The following GLDC variants were observed in gnomAD, a reference collection of about 807,000 sequenced individuals.
The protein encoded by GLDC is glycine dehydrogenase (decarboxylating), mitochondrial.
Under a neutral mutation model 121.3 loss-of-function variants are expected in GLDC, and 104 were observed. The ratio of observed to expected loss-of-function variants is 0.86; its 90% CI spans 0.73 to 1.01. GLDC has a LOEUF of 1.01. Among genes scored for constraint, GLDC ranks in the 50% least tolerant of loss-of-function variants. GLDC has a pLI of 0.00. For missense variants in GLDC, 1,429 were observed against 1,306.6 expected (o/e 1.09, Z -1.44); for synonymous variants, 546 against 480.6 (o/e 1.14, Z -1.78).
At chr9:6,626,430 G>A (rs1158463999) in intron 2 of GLDC, among the ~76,000 whole-genome samples, 2 of 152,202 alleles carry the variant, frequency 1.3e-5, no homozygotes, top group African/African-American at 4.8e-5. Context: ...TGGGAGTATT[G>A]CGGAAGATAA....
In GLDC at chr9:6,620,167, A is replaced by G. The variant is rs1468006106; in HGVS notation, c.470+17T>C. ...CAAATCACAGTCATCCTGTTCCTGA[A>G]CTGAGAAATACATTACCATCCTGAG... On this transcript the variant is annotated intron_variant, in intron 3 of 24. Transcript: ENST00000321612. The G allele has an allele frequency of 4.3e-6, 7 of 1,611,192 alleles. No homozygotes were observed. In the African/African-American group the frequency reaches 6.7e-5, roughly 15 times the overall value.
At chr9:6,603,560 ATTT>A (rs1286240628) in intron 7 of GLDC, among the ~76,000 whole-genome samples, 1 of 143,468 alleles carries the variant, frequency 7.0e-6, no homozygotes, top group African/African-American at 2.8e-5. Flanking sequence ...AATAAATAAA[ATTT>A]TAAAAAAACA....
chr9:6,580,175 T>A (rs998455866), intron 15 of GLDC, among the ~76,000 whole-genome samples: 1 of 152,146 alleles, frequency 6.6e-6, no homozygotes, highest in Non-Finnish European at 1.5e-5. Context: ...ATAAGCCAAG[T>A]TCTCTTCAGG....
At chr9:6,562,406 C>G (rs1334244511) in intron 16 of GLDC, among the ~76,000 whole-genome samples, 1 of 152,172 alleles carries the variant, frequency 6.6e-6, no homozygotes, top group Non-Finnish European at 1.5e-5. Flanking sequence ...CTTCCCCACA[C>G]TCCCTTTCAA....
At chr9:6,570,285 A>G (rs1172309128) in intron 15 of GLDC, among the ~76,000 whole-genome samples, 1 of 152,236 alleles carries the variant, frequency 6.6e-6, no homozygotes, top group Admixed American at 6.5e-5. Flanking sequence ...AAAATGTGCC[A>G]TAAGAAAAGA....
intron 2 of GLDC, among the ~76,000 whole-genome samples, chr9:6,633,629 A>G (rs1200250052): frequency 6.6e-6 from 1 of 151,800 alleles, no homozygotes; most frequent in Non-Finnish European, 1.5e-5. Flanking sequence ...CTGTACAAAA[A>G]CCATGCTTCT....
chr9:6,589,146 A>G lies in GLDC; in HGVS notation c.1580+49T>C, dbSNP rs754935778. 4.3e-5 allele frequency: 48 copies of G among 1,108,114 alleles called. 1 individual carries two copies. In the South Asian group the frequency reaches 5.8e-4, roughly 13 times the overall value. 68.6% of individuals were successfully genotyped at this position (1,108,114 alleles called of 1,614,324 possible). A position where few individuals can be genotyped will look rare whatever the true frequency, so the allele number is the denominator to read the frequency against. On this transcript the variant is annotated intron_variant, in intron 12 of 24. Coordinates refer to ENST00000321612, the MANE Select transcript of GLDC (RefSeq NM_000170.3). ...GCAGCAGCACTCTGCCTAACTCCCT[A>G]GCTGATTACCAAAGCACAAAACGCA...
At chr9:6,587,963 A>G (rs1818303732) in intron 14 of GLDC, among the ~76,000 whole-genome samples, 1 of 152,184 alleles carries the variant, frequency 6.6e-6, no homozygotes, top group East Asian at 1.9e-4. Flanking sequence ...GCCAACCACA[A>G]CAGCGAGTTG....
At chr9:6,604,345 G>A (rs1029562713) in intron 7 of GLDC, among the ~76,000 whole-genome samples, 13 of 152,048 alleles carry the variant, frequency 8.5e-5, no homozygotes, top group East Asian at 3.9e-4. Flanking sequence ...AAGCAAATGC[G>A]TTACATGACT....
intron 2 of GLDC, among the ~76,000 whole-genome samples, chr9:6,635,749 C>T (rs1563872971): frequency 6.6e-6 from 1 of 151,936 alleles, no homozygotes; most frequent in African/African-American, 2.4e-5. Flanking sequence ...TGTGGTTCTC[C>T]TTGTGGTCTA....
At chr9:6,629,852 G>C (rs548143839) in intron 2 of GLDC, among the ~76,000 whole-genome samples, 1 of 148,094 alleles carries the variant, frequency 6.8e-6, no homozygotes, top group Non-Finnish European at 1.5e-5. Flanking sequence ...TATATTAGCA[G>C]AACATCTTTG....
chr9:6,556,554 A>T (rs1404461245), intron 17 of GLDC, among the ~76,000 whole-genome samples: 2 of 152,342 alleles, frequency 1.3e-5, no homozygotes, highest in African/African-American at 4.8e-5. Context: ...GCACTCTGGG[A>T]GGCCGAGGCG....
chr9:6,558,815 G>C, intron 16 of GLDC, 131 bp from the exon 17 acceptor site: 1 of 961,966 alleles, frequency 1.0e-6, no homozygotes, highest in Non-Finnish European at 1.6e-6. Flanking sequence ...GAACACTAGT[G>C]CTTTAAAATC....
chr9:6,593,065 T>C (rs1489036789), intron 9 of GLDC, 75 bp from the exon 10 acceptor site: 3 of 1,495,478 alleles, frequency 2.0e-6, no homozygotes, highest in South Asian at 1.1e-5. Flanking sequence ...CACAGAATAA[T>C]AAAGAGATAA....
At chr9:6,640,938 GAC>G (rs781013425) in intron 2 of GLDC, among the ~76,000 whole-genome samples, 1 of 152,202 alleles carries the variant, frequency 6.6e-6, no homozygotes, top group Non-Finnish European at 1.5e-5. Context: ...TGTTGCCAGT[GAC>G]ACATATCCTT....
chr9:6,600,988 G>C (rs190103809), intron 8 of GLDC, among the ~76,000 whole-genome samples: 3 of 152,106 alleles, frequency 2.0e-5, no homozygotes, highest in African/African-American at 7.2e-5. Flanking sequence ...ACCTGGCCAA[G>C]ATGGTGAAAC....
rs749513146 is a variant in GLDC, at chr9:6,558,587, T to G, written c.2024A>C (p.Asn675Thr). The change falls in exon 17 of 25, where the codon AAT (asparagine) becomes ACT (threonine). Residue 675 changes from asparagine (N) to threonine (T), a missense_variant. Coordinates refer to ENST00000321612, the MANE Select transcript of GLDC (RefSeq NM_000170.3). ...IQPVEVDKYG[N>T]IDAVHLKAMV... ...GGCCTTGAGGTGAACTGCATCGATA[T>G]TCCCATATTTATCCACCTCCACAGG... 28 of 1,614,084 alleles carry G rather than the reference T, an allele frequency of 1.7e-5. No individual in the cohort carries two copies. The East Asian group carries it at 5.3e-4, about 31-fold the overall frequency.
At position 6,602,138 on chromosome 9, in the gene GLDC, T is replaced by G. The variant is rs774093619; in HGVS notation, c.1126A>C (p.Lys376Gln). ...GCTGTACAGATGTTGCTGGTAGCCT[T>G]GTCTCTCCGAATGTGTTGCTCCCTG... ...QTREQHIRRD[K>Q]ATSNICTAQA... The change falls in exon 8 of 25, where the codon AAG (lysine) becomes CAG (glutamine). Residue 376 changes from lysine to glutamine, a missense_variant. Coordinates refer to ENST00000321612, the MANE Select transcript of GLDC (RefSeq NM_000170.3). The G allele has an allele frequency of 6.2e-7, 1 of 1,612,698 alleles. No homozygotes were observed. The highest frequency in any genetic ancestry group is 2.2e-5 in the East Asian group (1 of 44,868).
At chr9:6,637,504 C>A (rs1819529421) in intron 2 of GLDC, among the ~76,000 whole-genome samples, 1 of 151,674 alleles carries the variant, frequency 6.6e-6, no homozygotes, top group African/African-American at 2.4e-5. Flanking sequence ...GGCTGGTGTG[C>A]AGTGGCGCAA....
Sources: allele counts gnomAD v4.1 joint callset (sites outside exome capture counted in the v4.1 genomes callset), GRCh38; gene constraint gnomAD v4.1.1; transcripts MANE v1.5; gene names NCBI Gene and HGNC (gene_info 2026-07-23, HGNC 2026-07-21).